ENOX1: variants seen among roughly 807,000 people sequenced by gnomAD.
ENOX1 encodes candidate growth-related and time keeping constitutive hydroquinone (NADH) oxidase.
Under a neutral mutation model 82.5 loss-of-function variants are expected in ENOX1, and 42 were observed. That is an observed-to-expected ratio of 0.51 (90% confidence interval 0.40 to 0.66). The LOEUF is 0.66. Among genes scored for constraint, ENOX1 ranks in the 30% least tolerant of loss-of-function variants. ENOX1 has a pLI of 0.00. For synonymous variants in ENOX1, 271 were observed against 282.2 expected (o/e 0.96, Z 0.40); for missense variants, 608 against 811.6 (o/e 0.75, Z 3.05).
intron 5 of ENOX1, among the ~76,000 whole-genome samples, chr13:43,371,725 T>G (rs1455152189): frequency 6.6e-6 from 1 of 152,246 alleles, no homozygotes; most frequent in Non-Finnish European, 1.5e-5. Context: ...AAACAATTTA[T>G]GTAGGTTTCA....
intron 1 of ENOX1, among the ~76,000 whole-genome samples, chr13:43,765,965 G>T (rs896773003): frequency 2.0e-5 from 3 of 152,122 alleles, no homozygotes; most frequent in African/African-American, 7.2e-5. Context: ...TTTAGCAAAA[G>T]GAGAGACTTC....
chr13:43,579,404 T>C (rs923991361), intron 2 of ENOX1, among the ~76,000 whole-genome samples: 1 of 152,210 alleles, frequency 6.6e-6, no homozygotes, highest in Non-Finnish European at 1.5e-5. Context: ...TTTCTACTCT[T>C]GCAGTGCTAA....
rs973625703 is a variant in ENOX1 at position 43,632,590 on chromosome 13, C to T, written c.-219+34889G>A. Among the ~76,000 whole-genome samples, 27 of 151,832 alleles carry T rather than the reference C, an allele frequency of 1.8e-4. No individual in the cohort carries two copies. The South Asian group carries it at 5.0e-3, about 28-fold the overall frequency. On this transcript the variant is annotated intron_variant, in intron 2 of 16. Coordinates refer to ENST00000690772, the MANE Select transcript of ENOX1 (RefSeq NM_001347969.2). ...CCTCCCAATTAGCTGGGATTACAGG[C>T]GCCTGCCACCATGTCCAGCTAATTT... is the stretch of plus-strand genomic sequence containing the variant.
At chr13:43,624,559 A>G (rs2082883123) in intron 2 of ENOX1, among the ~76,000 whole-genome samples, 1 of 152,072 alleles carries the variant, frequency 6.6e-6, no homozygotes, top group African/African-American at 2.4e-5. Context: ...TCCATTTCGA[A>G]TTTTTACATA....
intron 5 of ENOX1, among the ~76,000 whole-genome samples, chr13:43,408,669 T>G (rs2053942369): frequency 6.6e-6 from 1 of 152,060 alleles, no homozygotes; most frequent in African/African-American, 2.4e-5. Flanking sequence ...AAAAAGGGCA[T>G]CAGATATGTC....
chr13:43,366,834 G>A (rs2050880705), intron 5 of ENOX1, among the ~76,000 whole-genome samples: 1 of 152,180 alleles, frequency 6.6e-6, no homozygotes, highest in African/African-American at 2.4e-5. Context: ...TAATGTTCTT[G>A]TGAGGATTAA....
intron 5 of ENOX1, among the ~76,000 whole-genome samples, chr13:43,390,360 C>T (rs1380006503): frequency 6.6e-6 from 1 of 152,022 alleles, no homozygotes; most frequent in Non-Finnish European, 1.5e-5. Context: ...CTTCAATGGA[C>T]ACATATGATA....
intron 3 of ENOX1, among the ~76,000 whole-genome samples, chr13:43,422,167 T>C (rs943861563): frequency 1.2e-4 from 18 of 152,288 alleles, no homozygotes; most frequent in African/African-American, 4.1e-4. Context: ...AAGCTTTAGA[T>C]GCACTTAACA....
At chr13:43,577,893 G>A (rs1404980744) in intron 2 of ENOX1, among the ~76,000 whole-genome samples, 7 of 152,116 alleles carry the variant, frequency 4.6e-5, no homozygotes, top group Non-Finnish European at 8.8e-5. Context: ...TTCTTAGAGA[G>A]TAAAGCCTGA....
At chr13:43,220,397 TTC>T (rs2041725636) in intron 16 of ENOX1, among the ~76,000 whole-genome samples, 1 of 152,218 alleles carries the variant, frequency 6.6e-6, no homozygotes. Flanking sequence ...GATTTCACCC[TTC>T]TCTAACTCCT....
At chr13:43,760,079 G>T (rs557575744) in intron 1 of ENOX1, among the ~76,000 whole-genome samples, 2 of 152,262 alleles carry the variant, frequency 1.3e-5, no homozygotes, top group Non-Finnish European at 2.9e-5. Flanking sequence ...TGTCTGAAAG[G>T]TTATCAACAA....
At chr13:43,781,717 G>A (rs1952275724) in intron 1 of ENOX1, among the ~76,000 whole-genome samples, 1 of 152,086 alleles carries the variant, frequency 6.6e-6, no homozygotes, top group South Asian at 2.1e-4. Context: ...CTCCATGTTG[G>A]TCAGGCTGGT....
intron 2 of ENOX1, among the ~76,000 whole-genome samples, chr13:43,659,014 T>G (rs1566722638): frequency 6.6e-6 from 1 of 152,180 alleles, no homozygotes; most frequent in African/African-American, 2.4e-5. Context: ...TTTTTGGATG[T>G]AAGAACCAAT....
chr13:43,371,585 T>C (rs190206623), intron 5 of ENOX1, among the ~76,000 whole-genome samples: 1 of 152,376 alleles, frequency 6.6e-6, no homozygotes, highest in African/African-American at 2.4e-5. Context: ...GTTAACCTTT[T>C]GATTTTATTT....
rs2088983909 is a variant in ENOX1 at position 43,726,718 on chromosome 13, T to TG, written c.-284-59175_-284-59174insC. Among the ~76,000 whole-genome samples, 7 of 144,796 alleles carry TG rather than the reference T, an allele frequency of 4.8e-5. No homozygotes were observed. In the South Asian group the frequency reaches 6.9e-4, roughly 14 times the overall value. 95.0% of individuals were successfully genotyped at this position (144,796 alleles called of 152,430 possible). On this transcript the variant is annotated intron_variant, in intron 1 of 16. Coordinates refer to ENST00000690772, the MANE Select transcript of ENOX1 (RefSeq NM_001347969.2). Reference sequence around the variant, plus strand: ...GGAAACTGAAGAAACGCATTGACTTTTGTGTGTGTGTGTGTGTGTGTGTGT... The same window carrying TG: ...GGAAACTGAAGAAACGCATTGACTTTGTGTGTGTGTGTGTGTGTGTGTGTGT...
intron 2 of ENOX1, among the ~76,000 whole-genome samples, chr13:43,630,860 T>TATATATACAC (rs34023929): frequency 0.12 from 17,656 of 147,588 alleles, 1,218 homozygotes; most frequent in Non-Finnish European, 0.17. Context: ...TATATATATA[T>TATATATACAC]ACACACACAC....
At chr13:43,489,945 T>C (rs1329742691) in intron 2 of ENOX1, among the ~76,000 whole-genome samples, 1 of 152,196 alleles carries the variant, frequency 6.6e-6, no homozygotes, top group East Asian at 1.9e-4. Flanking sequence ...CATTGTATTT[T>C]ACTTTATTTT....
At chr13:43,471,198 A>G (rs191735533) in intron 3 of ENOX1, among the ~76,000 whole-genome samples, 228 of 152,300 alleles carry the variant, frequency 1.5e-3, no homozygotes, top group Non-Finnish European at 2.6e-3. Context: ...ATTATGCTAT[A>G]TGAAAGGAGC....
intron 1 of ENOX1, among the ~76,000 whole-genome samples, chr13:43,773,584 T>C (rs1951764984): frequency 6.6e-6 from 1 of 152,208 alleles, no homozygotes; most frequent in Non-Finnish European, 1.5e-5. Flanking sequence ...CTGGACTTCA[T>C]ACTTGGGACT....
Sources: allele counts gnomAD v4.1 joint callset (sites outside exome capture counted in the v4.1 genomes callset), GRCh38; gene constraint gnomAD v4.1.1; transcripts MANE v1.5; gene names NCBI Gene and HGNC (gene_info 2026-07-23, HGNC 2026-07-21).